Variants in LRRC4C observed in about 807,000 individuals in gnomAD.
LRRC4C encodes leucine rich repeat containing 4C, also known as leucine-rich repeat-containing protein 4C.
Under a neutral mutation model 33.6 loss-of-function variants are expected in LRRC4C, and 5 were observed. The observed-to-expected ratio is 0.15, with a 90% CI of 0.08 to 0.31. The LOEUF (loss-of-function observed/expected upper bound fraction) is 0.31, where lower values mean the gene tolerates loss of function less well. Ranked by LOEUF, LRRC4C falls within the 10% of genes least tolerant of loss-of-function variation. The probability of loss-of-function intolerance (pLI) is 1.00; values close to 1 mark genes in which losing one functional copy is unlikely to be tolerated. For synonymous variants in LRRC4C, 329 were observed against 302.0 expected, an observed-to-expected ratio of 1.09 and a Z score of -0.93; for missense variants, 560 against 796.7, an observed-to-expected ratio of 0.70 and a Z score of 3.58.
In LRRC4C at chr11:40,674,397, G is replaced by A. The variant is rs745332652; in HGVS notation, c.-406-26119C>T. On this transcript the variant is annotated intron_variant, in intron 2 of 6. Transcript: ENST00000528697. ...CTTTGCATAGGAAAAGTAGAAGAGA[G>A]CAATAAAATCTAGCATGTTGTTCTG... is the stretch of plus-strand genomic sequence containing the variant. Among the ~76,000 whole-genome samples the A allele has an allele frequency of 3.3e-5, 5 of 152,228 alleles. No individual in the cohort carries two copies. The South Asian group carries it at 8.3e-4, about 25-fold the overall frequency.
chr11:41,073,819 T>G (rs1028345170), intron 1 of LRRC4C, among the ~76,000 whole-genome samples: 2 of 152,196 alleles, frequency 1.3e-5, no homozygotes, highest in African/African-American at 4.8e-5. Context: ...TCTTTTCCCC[T>G]TGTTTCCTCA....
intron 1 of LRRC4C, among the ~76,000 whole-genome samples, chr11:41,034,894 T>C (rs1489362201): frequency 6.0e-5 from 9 of 150,632 alleles, no homozygotes; most frequent in Non-Finnish European, 1.2e-4. Flanking sequence ...TTTTATTTTA[T>C]ACTATATGTT....
At chr11:41,145,867 TGA>T (rs1439591378) in intron 1 of LRRC4C, among the ~76,000 whole-genome samples, 1 of 152,164 alleles carries the variant, frequency 6.6e-6, no homozygotes, top group Non-Finnish European at 1.5e-5. Context: ...GGTGATTTTG[TGA>T]GTTTTCTTAT....
At chr11:40,487,610 A>G (rs10837421) in intron 3 of LRRC4C, among the ~76,000 whole-genome samples, 6,253 of 151,844 alleles carry the variant, frequency 0.041, 334 homozygotes, top group African/African-American at 0.12. Context: ...GTCAACTAGT[A>G]AAACAGATTT....
At chr11:40,426,860 C>T (rs1950735574) in intron 3 of LRRC4C, among the ~76,000 whole-genome samples, 1 of 152,112 alleles carries the variant, frequency 6.6e-6, no homozygotes, top group Non-Finnish European at 1.5e-5. Flanking sequence ...TTTCCGTTTC[C>T]GACCTGTACT....
chr11:41,399,486 G>C (rs879783697), intron 1 of LRRC4C, among the ~76,000 whole-genome samples: 7 of 151,900 alleles, frequency 4.6e-5, no homozygotes, highest in Non-Finnish European at 1.0e-4. Context: ...AGAATGACAG[G>C]CTTTCCTTCA....
intron 2 of LRRC4C, among the ~76,000 whole-genome samples, chr11:40,923,946 G>C (rs986932942): frequency 3.3e-5 from 5 of 151,994 alleles, no homozygotes; most frequent in Non-Finnish European, 5.9e-5. Context: ...GATGTTTTCT[G>C]TATTTAGCAA....
intron 3 of LRRC4C, among the ~76,000 whole-genome samples, chr11:40,413,842 T>C (rs1043379659): frequency 6.6e-6 from 1 of 152,120 alleles, no homozygotes; most frequent in Non-Finnish European, 1.5e-5. Context: ...TTGATATATA[T>C]GCCAAAACTA....
chr11:40,156,706 C>T (rs140872392), intron 5 of LRRC4C, among the ~76,000 whole-genome samples: 1 of 151,632 alleles, frequency 6.6e-6, no homozygotes, highest in South Asian at 2.1e-4. Context: ...TATACCTAAC[C>T]AAGGAGTCAA....
intron 1 of LRRC4C, among the ~76,000 whole-genome samples, chr11:40,967,267 G>A (rs1565252147): frequency 6.6e-6 from 1 of 151,846 alleles, no homozygotes. Flanking sequence ...AAAAGGGACA[G>A]CAAGTGGTAA....
At position 41,440,220 on chromosome 11, in the gene LRRC4C, A is replaced by AT. The variant is rs1262950914; in HGVS notation, c.-496+19210dup. Among the ~76,000 whole-genome samples the AT allele has an allele frequency of 1.1e-4, 17 of 152,002 alleles. No homozygotes were observed. In the East Asian group the frequency reaches 3.1e-3, roughly 28 times the overall value. ...TGGTGAGAGACATGGGTCCAGTTTC[A>AT]TTTTTTTGCATATAGCTATCTATGA... On this transcript the variant is annotated intron_variant, in intron 1 of 6. Transcript: ENST00000528697.
chr11:40,138,158 G>A (rs764574519), intron 6 of LRRC4C, among the ~76,000 whole-genome samples: 2 of 150,566 alleles, frequency 1.3e-5, no homozygotes, highest in Non-Finnish European at 2.9e-5. Flanking sequence ...AAATTTGGAT[G>A]TGACATTTTT....
intron 1 of LRRC4C, among the ~76,000 whole-genome samples, chr11:40,952,221 G>C (rs11036156): frequency 0.43 from 65,099 of 151,626 alleles, 15,464 homozygotes; most frequent in East Asian, 0.53. Context: ...CCAAAGAAGA[G>C]GGATATGGAT....
At chr11:41,004,986 A>G (rs1279711917) in intron 1 of LRRC4C, among the ~76,000 whole-genome samples, 2 of 148,888 alleles carry the variant, frequency 1.3e-5, no homozygotes, top group African/African-American at 5.0e-5. Flanking sequence ...TGTTTTTATA[A>G]CTTTCATTAT....
At chr11:40,557,431 C>A (rs1320304890) in intron 3 of LRRC4C, among the ~76,000 whole-genome samples, 1 of 152,140 alleles carries the variant, frequency 6.6e-6, no homozygotes, top group Non-Finnish European at 1.5e-5. Flanking sequence ...CACACCAACA[C>A]AATATCTGGC....
intron 1 of LRRC4C, among the ~76,000 whole-genome samples, chr11:41,052,982 G>A (rs1331716179): frequency 6.6e-6 from 1 of 152,018 alleles, no homozygotes; most frequent in Non-Finnish European, 1.5e-5. Flanking sequence ...TACACATTTT[G>A]AACTGAAAAG....
At chr11:41,321,480 T>G (rs1381121205) in intron 1 of LRRC4C, among the ~76,000 whole-genome samples, 1 of 152,122 alleles carries the variant, frequency 6.6e-6, no homozygotes, top group Non-Finnish European at 1.5e-5. Context: ...GCCTGTCAAT[T>G]TCAAAAGGAC....
intron 3 of LRRC4C, among the ~76,000 whole-genome samples, chr11:40,640,142 C>T (rs1348731547): frequency 6.6e-6 from 1 of 152,156 alleles, no homozygotes; most frequent in Non-Finnish European, 1.5e-5. Context: ...TGTGAAATCA[C>T]ATTCAGGATG....
intron 2 of LRRC4C, among the ~76,000 whole-genome samples, chr11:40,804,516 G>A (rs1951166423): frequency 6.6e-6 from 1 of 152,188 alleles, no homozygotes; most frequent in South Asian, 2.1e-4. Flanking sequence ...TAGCACATCA[G>A]TCACTTGGCT....
Sources: allele counts gnomAD v4.1 joint callset (sites outside exome capture counted in the v4.1 genomes callset), GRCh38; gene constraint gnomAD v4.1.1; transcripts MANE v1.5; gene names NCBI Gene and HGNC (gene_info 2026-07-23, HGNC 2026-07-21).